Variants in BICC1 observed in about 807,000 individuals in gnomAD.
The protein encoded by BICC1 is protein bicaudal C homolog 1.
BICC1 carries 43 observed loss-of-function variants against 111.0 expected under a neutral mutation model. That is an observed-to-expected ratio of 0.39 (90% CI 0.30 to 0.50). The LOEUF (loss-of-function observed/expected upper bound fraction) is 0.50, where lower values mean the gene tolerates loss of function less well. BICC1 is among the 20% of genes least tolerant of loss of function. BICC1 has a pLI of 0.88. For missense variants in BICC1, 1,091 were observed against 1,203.2 expected (o/e 0.91, Z 1.38); for synonymous variants, 467 against 434.4 (o/e 1.07, Z -0.93).
At chr10:58,517,523 G>C (rs1412010582) in intron 1 of BICC1, among the ~76,000 whole-genome samples, 1 of 152,178 alleles carries the variant, frequency 6.6e-6, no homozygotes, top group Non-Finnish European at 1.5e-5. Context: ...GTGTGAAAAT[G>C]GGGGAGTACT....
chr10:58,666,545 C>A (rs977128498), intron 2 of BICC1, among the ~76,000 whole-genome samples: 1 of 152,062 alleles, frequency 6.6e-6, no homozygotes, highest in Non-Finnish European at 1.5e-5. Context: ...GAATCCTTAT[C>A]CAAGCACACA....
At chr10:58,789,166 A>T in intron 6 of BICC1, 96 bp from the exon 7 acceptor site, 1 of 1,096,198 alleles carries the variant, frequency 9.1e-7, no homozygotes, top group Non-Finnish European at 1.3e-6. Context: ...TTTATGCTTT[A>T]AAATCTATCT....
At chr10:58,530,684 CAAA>C (rs67946394) in intron 1 of BICC1, among the ~76,000 whole-genome samples, 27 of 86,508 alleles carry the variant, frequency 3.1e-4, no homozygotes, top group Middle Eastern at 5.3e-3. Flanking sequence ...ACTTTAAATG[CAAA>C]AAAAAAAAAA....
chr10:58,667,777 A>G (rs903184365), intron 2 of BICC1, among the ~76,000 whole-genome samples: 1 of 152,086 alleles, frequency 6.6e-6, no homozygotes, highest in Non-Finnish European at 1.5e-5. Flanking sequence ...GAGATGACAT[A>G]TCTATATGAA....
chr10:58,640,124 G>A (rs991855850), intron 2 of BICC1, among the ~76,000 whole-genome samples: 5 of 151,988 alleles, frequency 3.3e-5, no homozygotes, highest in Non-Finnish European at 5.9e-5. Flanking sequence ...TTTCTGATGG[G>A]AGTACTGATC....
intron 17 of BICC1, among the ~76,000 whole-genome samples, chr10:58,813,528 A>T (rs1177963140): frequency 6.6e-6 from 1 of 152,040 alleles, no homozygotes; most frequent in African/African-American, 2.4e-5. Flanking sequence ...CTCAGCATCC[A>T]CTCTTCCAAA....
At chr10:58,784,713 T>C (rs1842964160) in intron 3 of BICC1, among the ~76,000 whole-genome samples, 1 of 152,164 alleles carries the variant, frequency 6.6e-6, no homozygotes, top group South Asian at 2.1e-4. Flanking sequence ...ATGATATTTT[T>C]ATTTTGCAAT....
At chr10:58,591,608 T>G (rs1844620987) in intron 1 of BICC1, among the ~76,000 whole-genome samples, 1 of 152,142 alleles carries the variant, frequency 6.6e-6, no homozygotes, top group African/African-American at 2.4e-5. Flanking sequence ...GGGAGTTAGG[T>G]TTTCAACATA....
chr10:58,611,649 T>C (rs904507032), intron 1 of BICC1, among the ~76,000 whole-genome samples: 1 of 151,698 alleles, frequency 6.6e-6, no homozygotes, highest in African/African-American at 2.4e-5. Flanking sequence ...ATTATTATTA[T>C]TATTATTATT....
At chr10:58,682,701 A>C (rs180844013) in intron 2 of BICC1, among the ~76,000 whole-genome samples, 1 of 152,154 alleles carries the variant, frequency 6.6e-6, no homozygotes, top group East Asian at 1.9e-4. Context: ...GTCTGTTCAT[A>C]TCCTTCGCCC....
intron 1 of BICC1, among the ~76,000 whole-genome samples, chr10:58,577,972 A>T (rs551501376): frequency 6.6e-6 from 1 of 152,266 alleles, no homozygotes; most frequent in Non-Finnish European, 1.5e-5. Context: ...TAAATTTTTA[A>T]TTATTATTCC....
chr10:58,598,074 A>G (rs1389057669), intron 1 of BICC1, among the ~76,000 whole-genome samples: 1 of 152,012 alleles, frequency 6.6e-6, no homozygotes, highest in Non-Finnish European at 1.5e-5. Flanking sequence ...GAACTGATAA[A>G]TGTCCATGAA....
chr10:58,586,019 T>C (rs1387786637), intron 1 of BICC1, among the ~76,000 whole-genome samples: 1 of 152,184 alleles, frequency 6.6e-6, no homozygotes, highest in Non-Finnish European at 1.5e-5. Flanking sequence ...ACTTTATCAA[T>C]TAAGAGACAC....
At chr10:58,737,201 A>G (rs1841497527) in intron 3 of BICC1, among the ~76,000 whole-genome samples, 1 of 151,988 alleles carries the variant, frequency 6.6e-6, no homozygotes, top group South Asian at 2.1e-4. Context: ...GCACCCATTA[A>G]CTCGTCATTT....
At chr10:58,809,222 C>A (rs1038580627) in intron 17 of BICC1, among the ~76,000 whole-genome samples, 4 of 147,738 alleles carry the variant, frequency 2.7e-5, no homozygotes, top group African/African-American at 1.0e-4. Context: ...TTTTAGTAGA[C>A]ACAGGGTTTC....
intron 1 of BICC1, among the ~76,000 whole-genome samples, chr10:58,537,358 A>AT (rs34813887): frequency 0.45 from 68,512 of 150,660 alleles, 16,589 homozygotes; most frequent in Admixed American, 0.62. Flanking sequence ...AAAAAAAAAA[A>AT]TCATGATGAA....
chr10:58,581,973 T>A (rs1844294606), intron 1 of BICC1, among the ~76,000 whole-genome samples: 1 of 152,166 alleles, frequency 6.6e-6, no homozygotes, highest in African/African-American at 2.4e-5. Flanking sequence ...CACCCCAAGG[T>A]CATCTGTGCA....
chr10:58,660,209 C>A (rs1318980594), intron 2 of BICC1, among the ~76,000 whole-genome samples: 3 of 152,128 alleles, frequency 2.0e-5, no homozygotes, highest in African/African-American at 7.2e-5. Context: ...AACAGCAGCA[C>A]CCAAACCTGG....
chr10:58,515,350 C>T (rs1363682744), intron 1 of BICC1, among the ~76,000 whole-genome samples: 1 of 152,138 alleles, frequency 6.6e-6, no homozygotes, highest in Non-Finnish European at 1.5e-5. Flanking sequence ...AGTGTAGTTA[C>T]ACAAACCTAG....
Sources: allele counts gnomAD v4.1 joint callset (sites outside exome capture counted in the v4.1 genomes callset), GRCh38; gene constraint gnomAD v4.1.1; transcripts MANE v1.5; gene names NCBI Gene and HGNC (gene_info 2026-07-23, HGNC 2026-07-21).